Variants in NFKB1 observed in about 807,000 individuals in gnomAD.
NFKB1 encodes nuclear factor NF-kappa-B p105 subunit.
In NFKB1, 9 loss-of-function variants were observed where a neutral mutation model predicts 105.1. That is an observed-to-expected ratio of 0.09 (90% CI 0.05 to 0.15). The LOEUF (loss-of-function observed/expected upper bound fraction) is 0.15. Ranked by LOEUF, NFKB1 falls within the 10% of genes least tolerant of loss-of-function variation. NFKB1 has a pLI of 1.00. For synonymous variants in NFKB1, 440 were observed against 442.2 expected (o/e 1.00, Z 0.06); for missense variants, 830 against 1,203.7 (o/e 0.69, Z 4.59).
chr4:102,607,564 C>G, intron 18 of NFKB1, 85 bp from the exon 19 acceptor site: 1 of 1,395,028 alleles, frequency 7.2e-7, no homozygotes, highest in Non-Finnish European at 1.0e-6. Flanking sequence ...GTAATAGGAC[C>G]CAAGGAGCCA....
chr4:102,525,601 A>G (rs368712846), intron 2 of NFKB1, 44 bp downstream of exon 2: 43 of 1,528,326 alleles, frequency 2.8e-5, no homozygotes, highest in African/African-American at 4.2e-5. Context: ...AAATATATTC[A>G]TATTTCAAAA....
intron 16 of NFKB1, among the ~76,000 whole-genome samples, chr4:102,601,680 A>G (rs956649128): frequency 6.6e-6 from 1 of 152,230 alleles, no homozygotes; most frequent in Admixed American, 6.5e-5. Context: ...TTTGATGGGC[A>G]TATGCAGAAT....
At chr4:102,609,610 T>TAAAA (rs1728199031) in intron 19 of NFKB1, among the ~76,000 whole-genome samples, 2 of 33,172 alleles carry the variant, frequency 6.0e-5, no homozygotes, top group Admixed American at 4.3e-4. Context: ...AGACTCCATC[T>TAAAA]CAAAAAAAAA....
chr4:102,532,455 C>T (rs938926312), intron 3 of NFKB1, among the ~76,000 whole-genome samples: 1 of 151,986 alleles, frequency 6.6e-6, no homozygotes, highest in Non-Finnish European at 1.5e-5. Context: ...GGTGAAACCC[C>T]GTCTCTACTA....
intron 5 of NFKB1, among the ~76,000 whole-genome samples, chr4:102,559,428 C>T (rs1243439690): frequency 6.6e-6 from 1 of 151,742 alleles, no homozygotes; most frequent in Non-Finnish European, 1.5e-5. Context: ...CAGGATCACT[C>T]AGGAAAATAA....
chr4:102,606,781 A>C, intron 17 of NFKB1, 84 bp downstream of exon 17: 1 of 1,422,034 alleles, frequency 7.0e-7, no homozygotes, highest in Admixed American at 2.0e-5. Flanking sequence ...GTGTTATTTG[A>C]TTTGCACCCA....
intron 23 of NFKB1, among the ~76,000 whole-genome samples, chr4:102,614,375 C>A (rs1224562519): frequency 6.6e-6 from 1 of 152,170 alleles, no homozygotes; most frequent in Non-Finnish European, 1.5e-5. Context: ...CGTTCCTCCT[C>A]CCCACTCTCC....
intron 2 of NFKB1, among the ~76,000 whole-genome samples, chr4:102,528,116 T>G (rs1396047366): frequency 6.6e-6 from 1 of 152,152 alleles, no homozygotes; most frequent in Non-Finnish European, 1.5e-5. Context: ...CAATGCAAGC[T>G]GCAGCACAAC....
intron 3 of NFKB1, among the ~76,000 whole-genome samples, chr4:102,532,107 G>A (rs923352004): frequency 1.3e-5 from 2 of 152,086 alleles, no homozygotes; most frequent in Non-Finnish European, 2.9e-5. Flanking sequence ...GTTTCTAAAA[G>A]TAATTTAAAA....
chr4:102,587,744 A>C (rs145900785), intron 11 of NFKB1, among the ~76,000 whole-genome samples: 4 of 152,274 alleles, frequency 2.6e-5, no homozygotes, highest in African/African-American at 9.6e-5. Context: ...AGAATGGACA[A>C]CATATATATA....
chr4:102,528,460 T>G (rs749804256), intron 2 of NFKB1, among the ~76,000 whole-genome samples: 8 of 152,164 alleles, frequency 5.3e-5, no homozygotes, highest in Non-Finnish European at 8.8e-5. Context: ...GAGATTTTTC[T>G]TACTCTTAAT....
chr4:102,590,018 A>C (rs1726040689), intron 11 of NFKB1, among the ~76,000 whole-genome samples: 1 of 152,208 alleles, frequency 6.6e-6, no homozygotes, highest in South Asian at 2.1e-4. Context: ...AGAGGGCATC[A>C]CTGTATTGTA....
At chr4:102,598,357 G>A (rs139076162) in intron 15 of NFKB1, among the ~76,000 whole-genome samples, 264 of 152,280 alleles carry the variant, frequency 1.7e-3, no homozygotes, top group African/African-American at 5.9e-3. Flanking sequence ...ACAAGAGACA[G>A]CAGCCTTCAC....
intron 19 of NFKB1, 42 bp downstream of exon 19, chr4:102,607,793 A>C (rs1218339168): frequency 1.9e-6 from 3 of 1,579,138 alleles, no homozygotes; most frequent in Non-Finnish European, 2.6e-6. Flanking sequence ...AAATGTTACC[A>C]GGAATGCAAA....
intron 5 of NFKB1, among the ~76,000 whole-genome samples, chr4:102,563,232 A>T (rs911301640): frequency 2.6e-5 from 4 of 152,224 alleles, no homozygotes; most frequent in African/African-American, 9.6e-5. Flanking sequence ...GTATTGAGTC[A>T]TAAAGCTCCT....
rs2149171807 is a variant in NFKB1 at position 102,569,674 on chromosome 4, C to A, written c.407+2539C>A. Among the ~76,000 whole-genome samples, 2 of 152,198 alleles carry A rather than the reference C, an allele frequency of 1.3e-5. 1 individual carries two copies. The highest frequency in any genetic ancestry group is 4.8e-5 in the African/African-American group (2 of 41,566). On this transcript the variant is annotated intron_variant, in intron 6 of 23. Coordinates refer to ENST00000226574, the MANE Select transcript of NFKB1 (RefSeq NM_003998.4). ...AAAATGGCAATGAGAAGACAAATAA[C>A]TTTTAAATTGTCAAAACCAAAAGAA... is the stretch of plus-strand genomic sequence containing the variant.
intron 1 of NFKB1, among the ~76,000 whole-genome samples, chr4:102,523,949 A>T (rs895086041): frequency 6.6e-6 from 1 of 152,176 alleles, no homozygotes; most frequent in Non-Finnish European, 1.5e-5. Flanking sequence ...TTCTATGGAA[A>T]AGGAGACAAC....
chr4:102,533,816 T>C (rs2149123363), intron 3 of NFKB1, 29 bp from the exon 4 acceptor site: 1 of 1,600,492 alleles, frequency 6.2e-7, no homozygotes, highest in South Asian at 1.1e-5. Context: ...CAGTTTCTTT[T>C]GGTTTCTGTT....
intron 5 of NFKB1, among the ~76,000 whole-genome samples, chr4:102,543,672 C>G (rs556113041): frequency 6.6e-6 from 1 of 151,414 alleles, no homozygotes; most frequent in Non-Finnish European, 1.5e-5. Flanking sequence ...AAGTTTCTGT[C>G]GAGGTCGAAT....
Sources: allele counts gnomAD v4.1 joint callset (sites outside exome capture counted in the v4.1 genomes callset), GRCh38; gene constraint gnomAD v4.1.1; transcripts MANE v1.5; gene names NCBI Gene and HGNC (gene_info 2026-07-23, HGNC 2026-07-21).